KCNH7: variants seen among roughly 807,000 people sequenced by gnomAD.
KCNH7 encodes potassium voltage-gated channel subfamily H member 7.
Under a neutral mutation model 120.8 loss-of-function variants are expected in KCNH7, and 49 were observed. That is an observed-to-expected ratio of 0.41 (90% CI 0.32 to 0.51). KCNH7 has a LOEUF of 0.51. Ranked by LOEUF, KCNH7 falls within the 20% of genes least tolerant of loss-of-function variation. The probability of loss-of-function intolerance (pLI) is 0.38; values close to 1 mark genes in which losing one functional copy is unlikely to be tolerated. For synonymous variants in KCNH7, 547 were observed against 516.1 expected (o/e 1.06, Z -0.81); for missense variants, 1,097 against 1,446.6 (o/e 0.76, Z 3.92).
At chr2:162,655,632 GAA>G (rs71956950) in intron 2 of KCNH7, among the ~76,000 whole-genome samples, 2,089 of 146,984 alleles carry the variant, frequency 0.014, 60 homozygotes, top group African/African-American at 0.048. Context: ...TAAAAATAAA[GAA>G]AAAAAAAAAT....
At chr2:162,441,945 C>T (rs1688427055) in intron 7 of KCNH7, among the ~76,000 whole-genome samples, 1 of 127,964 alleles carries the variant, frequency 7.8e-6, no homozygotes, top group African/African-American at 2.8e-5. Context: ...ATATCCTCTA[C>T]TTATTGTAGG....
intron 2 of KCNH7, among the ~76,000 whole-genome samples, chr2:162,569,316 T>G (rs1231144091): frequency 6.6e-6 from 1 of 151,966 alleles, no homozygotes; most frequent in East Asian, 1.9e-4. Flanking sequence ...TTTATTTGCA[T>G]AGAGGTGTTT....
At chr2:162,689,213 C>A (rs761694143) in intron 2 of KCNH7, among the ~76,000 whole-genome samples, 6 of 151,990 alleles carry the variant, frequency 3.9e-5, no homozygotes, top group African/African-American at 1.5e-4. Context: ...TGCAAAGGCA[C>A]GATCTCGGCT....
At chr2:162,579,335 A>T (rs1034211033) in intron 2 of KCNH7, among the ~76,000 whole-genome samples, 16 of 152,062 alleles carry the variant, frequency 1.1e-4, no homozygotes, top group Admixed American at 9.2e-4. Flanking sequence ...GAACGTCAGT[A>T]AGATGCAGGC....
chr2:162,553,415 T>C (rs554489718), intron 2 of KCNH7, among the ~76,000 whole-genome samples: 2 of 152,276 alleles, frequency 1.3e-5, no homozygotes, highest in East Asian at 1.9e-4. Context: ...TTTGGAAGGC[T>C]GAGGCGGGCA....
chr2:162,788,694 T>C (rs987729197), intron 2 of KCNH7, among the ~76,000 whole-genome samples: 1 of 151,490 alleles, frequency 6.6e-6, no homozygotes, highest in African/African-American at 2.4e-5. Context: ...AAAAAAGAAA[T>C]AGGCAGAGGG....
intron 6 of KCNH7, among the ~76,000 whole-genome samples, chr2:162,472,964 C>T (rs536270805): frequency 3.3e-5 from 5 of 152,056 alleles, no homozygotes; most frequent in Middle Eastern, 3.4e-3. Context: ...AGCAAAGTAT[C>T]GCAAGGACAA....
chr2:162,386,816 C>T (rs1686587283), intron 12 of KCNH7, among the ~76,000 whole-genome samples: 1 of 151,682 alleles, frequency 6.6e-6, no homozygotes. Flanking sequence ...TTCTGTTTTA[C>T]CTACCATGCT....
At chr2:162,783,539 G>T (rs1683582819) in intron 2 of KCNH7, among the ~76,000 whole-genome samples, 1 of 152,146 alleles carries the variant, frequency 6.6e-6, no homozygotes, top group Non-Finnish European at 1.5e-5. Flanking sequence ...TTTATAGCTT[G>T]ATCCAAGGTT....
At chr2:162,487,066 C>A (rs1690120087) in intron 6 of KCNH7, among the ~76,000 whole-genome samples, 1 of 152,154 alleles carries the variant, frequency 6.6e-6, no homozygotes, top group African/African-American at 2.4e-5. Flanking sequence ...AGAACTTTTA[C>A]AATCATTCAA....
chr2:162,481,648 T>C (rs1345593224), intron 6 of KCNH7, among the ~76,000 whole-genome samples: 1 of 152,182 alleles, frequency 6.6e-6, no homozygotes, highest in African/African-American at 2.4e-5. Flanking sequence ...TTATGTATCT[T>C]ATTTGGCTTG....
chr2:162,392,952 G>C (rs375413100), intron 12 of KCNH7, among the ~76,000 whole-genome samples: 12 of 151,914 alleles, frequency 7.9e-5, no homozygotes, highest in African/African-American at 2.9e-4. Context: ...TTGCATGTGG[G>C]AAGGCAAGTT....
intron 2 of KCNH7, among the ~76,000 whole-genome samples, chr2:162,722,047 G>A (rs537007138): frequency 6.6e-6 from 1 of 152,090 alleles, no homozygotes; most frequent in South Asian, 2.1e-4. Context: ...CTAGGGGTCA[G>A]CATTCAACAT....
intron 9 of KCNH7, 36 bp downstream of exon 9, chr2:162,423,300 T>A: frequency 6.2e-7 from 1 of 1,614,000 alleles, no homozygotes; most frequent in Non-Finnish European, 8.5e-7. Flanking sequence ...CTATAATGCC[T>A]GCGGCACTTT....
At chr2:162,818,969 C>T (rs1360282085) in intron 2 of KCNH7, among the ~76,000 whole-genome samples, 1 of 152,150 alleles carries the variant, frequency 6.6e-6, no homozygotes, top group Admixed American at 6.5e-5. Flanking sequence ...ACTTAAATCA[C>T]ATCAAGAGGA....
chr2:162,486,462 T>G (rs1690096856), intron 6 of KCNH7, among the ~76,000 whole-genome samples: 1 of 152,204 alleles, frequency 6.6e-6, no homozygotes, highest in Non-Finnish European at 1.5e-5. Flanking sequence ...AACAGGTATA[T>G]TTAAAGTAGA....
intron 2 of KCNH7, among the ~76,000 whole-genome samples, chr2:162,659,174 C>T (rs1446408459): frequency 6.6e-6 from 1 of 152,110 alleles, no homozygotes; most frequent in African/African-American, 2.4e-5. Context: ...TTATCATGAG[C>T]AAGTGATAGA....
chr2:162,607,686 TTTA>T (rs1433342068), intron 2 of KCNH7, among the ~76,000 whole-genome samples: 49 of 152,140 alleles, frequency 3.2e-4, no homozygotes, highest in African/African-American at 1.1e-3. Flanking sequence ...TAAAATAATC[TTTA>T]TTAACAGTTA....
chr2:162,807,384 C>T (rs1684587239), intron 2 of KCNH7, among the ~76,000 whole-genome samples: 1 of 151,540 alleles, frequency 6.6e-6, no homozygotes, highest in Non-Finnish European at 1.5e-5. Context: ...TTGCAATGAG[C>T]CGATATGGTG....
Sources: gnomAD v4.1 joint callset for allele counts (sites outside exome capture counted in the v4.1 genomes callset) on GRCh38, gnomAD v4.1.1 for gene constraint, MANE v1.5 for transcripts, NCBI Gene and HGNC (gene_info 2026-07-23, HGNC 2026-07-21) for gene names.